DDR2: variants seen among roughly 807,000 people sequenced by gnomAD.
DDR2 encodes discoidin domain-containing receptor 2.
DDR2 carries 27 observed loss-of-function variants against 94.9 expected under a neutral mutation model. The ratio of observed to expected loss-of-function variants is 0.28; its 90% CI spans 0.21 to 0.39. DDR2 has a LOEUF of 0.39. Among genes scored for constraint, DDR2 ranks in the 10% least tolerant of loss-of-function variants. DDR2 has a pLI of 1.00. For synonymous variants in DDR2, 382 were observed against 377.2 expected (o/e 1.01, Z -0.15); for missense variants, 783 against 1,076.0 (o/e 0.73, Z 3.81).
At chr1:162,707,617 G>A (rs781670380) in intron 2 of DDR2, among the ~76,000 whole-genome samples, 9 of 152,100 alleles carry the variant, frequency 5.9e-5, no homozygotes, top group African/African-American at 1.4e-4. Flanking sequence ...GCTCACAGGC[G>A]CTAGTCATGT....
intron 1 of DDR2, among the ~76,000 whole-genome samples, chr1:162,633,694 C>T (rs796979218): frequency 4.1e-4 from 63 of 152,314 alleles, no homozygotes; most frequent in African/African-American, 1.4e-3. Context: ...GTATGATGAG[C>T]AAGTCACCAC....
chr1:162,736,024 C>A (rs1465972018), intron 3 of DDR2, among the ~76,000 whole-genome samples: 1 of 152,206 alleles, frequency 6.6e-6, no homozygotes, highest in East Asian at 1.9e-4. Flanking sequence ...GTCAGTGTGG[C>A]TTTCTCTGGT....
chr1:162,741,283 A>G (rs539278410), intron 3 of DDR2, among the ~76,000 whole-genome samples: 5,540 of 133,594 alleles, frequency 0.041, 244 homozygotes, highest in African/African-American at 0.096. Context: ...ATAATATAAT[A>G]TAATATAATA....
chr1:162,674,053 A>G (rs552069228), intron 2 of DDR2, among the ~76,000 whole-genome samples: 15 of 152,292 alleles, frequency 9.8e-5, no homozygotes, highest in African/African-American at 3.4e-4. Flanking sequence ...AGATTAGATA[A>G]CAATCAGAAT....
chr1:162,682,965 A>G (rs534632501), intron 2 of DDR2, among the ~76,000 whole-genome samples: 32 of 152,236 alleles, frequency 2.1e-4, no homozygotes, highest in Non-Finnish European at 1.6e-4. Flanking sequence ...AGGAGTAGCT[A>G]TATTAATACA....
At chr1:162,749,760 A>G (rs1249383195) in intron 3 of DDR2, among the ~76,000 whole-genome samples, 1 of 152,208 alleles carries the variant, frequency 6.6e-6, no homozygotes. Flanking sequence ...CAAAAATCCT[A>G]AATAAAATAC....
intron 9 of DDR2, among the ~76,000 whole-genome samples, chr1:162,765,568 G>A (rs913033905): frequency 7.9e-5 from 12 of 151,962 alleles, no homozygotes; most frequent in African/African-American, 1.5e-4. Flanking sequence ...GGGCTAGGCC[G>A]ATGAGGCATA....
In DDR2 at chr1:162,759,995, T is replaced by G. The variant is rs1173195470; in HGVS notation, c.855+16T>G. ...TACCATGAAGGTCAGTGGGGTCGGG[T>G]GTGGTGGAACTTCTTTAAGGAGGCA... On this transcript the variant is annotated intron_variant, in intron 8 of 17. Transcript: ENST00000367921. The G allele has an allele frequency of 1.2e-6, 2 of 1,610,888 alleles. No homozygotes were observed. Among genetic ancestry groups the G allele is most frequent in the South Asian group, 2.2e-5 (2 of 91,068 alleles).
chr1:162,724,148 C>T (rs189794555), intron 3 of DDR2, among the ~76,000 whole-genome samples: 4 of 152,226 alleles, frequency 2.6e-5, no homozygotes, highest in Admixed American at 2.0e-4. Flanking sequence ...AGTGATTTGC[C>T]CATGCTCCAC....
At chr1:162,660,701 G>A (rs1164985765) in intron 2 of DDR2, among the ~76,000 whole-genome samples, 1 of 152,200 alleles carries the variant, frequency 6.6e-6, no homozygotes, top group Non-Finnish European at 1.5e-5. Context: ...CTTCCCTCCT[G>A]AGAGTGACAC....
chr1:162,712,168 T>C (rs1035862534), intron 2 of DDR2, among the ~76,000 whole-genome samples: 1 of 149,848 alleles, frequency 6.7e-6, no homozygotes, highest in African/African-American at 2.5e-5. Context: ...AAAAGAGAAA[T>C]ATGGTGTCAT....
At chr1:162,729,685 A>G (rs1368672874) in intron 3 of DDR2, among the ~76,000 whole-genome samples, 1 of 151,340 alleles carries the variant, frequency 6.6e-6, no homozygotes, top group Non-Finnish European at 1.5e-5. Flanking sequence ...GGGAGGGGGA[A>G]AAAGGAAGTC....
intron 10 of DDR2, 108 bp downstream of exon 10, chr1:162,766,171 T>C: frequency 8.6e-7 from 1 of 1,167,294 alleles, no homozygotes. Context: ...TTACACCAGT[T>C]GGCTTTGGAT....
Position 162,634,729 on chromosome 1 carries a change from T to C in DDR2, c.-192+2098T>C, listed in dbSNP as rs532695610. ...TGATATGATTCCTTGCCCAAAGCAG[T>C]GCAGGCTGAAGGACACTGTGCTTGG... On this transcript the variant is annotated intron_variant, in intron 1 of 17. Coordinates refer to ENST00000367921, the MANE Select transcript of DDR2 (RefSeq NM_006182.4). Among the ~76,000 whole-genome samples, 231 of 152,322 alleles carry C rather than the reference T, an allele frequency of 1.5e-3. 4 individuals are homozygous for C. Among genetic ancestry groups the C allele is most frequent in the African/African-American group, 5.2e-3 (216 of 41,580 alleles).
intron 2 of DDR2, among the ~76,000 whole-genome samples, chr1:162,669,677 T>C (rs1333420851): frequency 1.3e-5 from 2 of 152,266 alleles, no homozygotes; most frequent in African/African-American, 2.4e-5. Flanking sequence ...GAAGTGCTTA[T>C]GTGCTAGACA....
At chr1:162,651,045 T>G (rs1657663077) in intron 1 of DDR2, among the ~76,000 whole-genome samples, 1 of 152,170 alleles carries the variant, frequency 6.6e-6, no homozygotes. Context: ...CACATTATTA[T>G]ATGTCCACAT....
chr1:162,770,487 A>G lies in DDR2; in HGVS notation c.1479A>G (p.Glu493=). The G allele has an allele frequency of 6.2e-7, 1 of 1,614,048 alleles. No individual in the cohort carries two copies. Among genetic ancestry groups the G allele is most frequent in the Non-Finnish European group, 8.5e-7 (1 of 1,180,008 alleles). Residue 493 remains glutamate, a synonymous_variant, in exon 12 of 18, where the codon GAA becomes GAG. Transcript: ENST00000367921. ...CCAGGCTGATACGAAAACTCCCAGAATTTGCTCCAGGGGAGGAGGAGTCAG... is the reference window on the plus strand; with the variant it reads ...CCAGGCTGATACGAAAACTCCCAGAGTTTGCTCCAGGGGAGGAGGAGTCAG... ...EPSRLIRKLP[E]FAPGEEESGC...
At chr1:162,683,721 A>T (rs12120138) in intron 2 of DDR2, among the ~76,000 whole-genome samples, 15,772 of 152,150 alleles carry the variant, frequency 0.1, 904 homozygotes, top group Middle Eastern at 0.15. Flanking sequence ...AAGAAATAAA[A>T]AGATCTAAAT....
At chr1:162,690,841 A>G (rs1353345246) in intron 2 of DDR2, among the ~76,000 whole-genome samples, 1 of 152,202 alleles carries the variant, frequency 6.6e-6, no homozygotes, top group African/African-American at 2.4e-5. Flanking sequence ...CTTTCGGTTA[A>G]GAATCATGGG....
Sources: allele counts gnomAD v4.1 joint callset (sites outside exome capture counted in the v4.1 genomes callset), GRCh38; gene constraint gnomAD v4.1.1; transcripts MANE v1.5; gene names NCBI Gene and HGNC (gene_info 2026-07-23, HGNC 2026-07-21).